ADGRV1: variants seen among roughly 807,000 people sequenced by gnomAD.
The protein encoded by ADGRV1 is G-protein coupled receptor 98.
A neutral mutation model predicts 596.2 loss-of-function variants in ADGRV1; 359 were observed. The observed-to-expected ratio is 0.60, with a 90% confidence interval of 0.55 to 0.66. ADGRV1 has a LOEUF of 0.66. Among genes scored for constraint, ADGRV1 ranks in the 30% least tolerant of loss-of-function variants. The probability of loss-of-function intolerance (pLI) is 0.00; values close to 1 mark genes in which losing one functional copy is unlikely to be tolerated. For missense variants in ADGRV1, 7,274 were observed against 7,575.6 expected (o/e 0.96, Z 1.48); for synonymous variants, 2,681 against 2,679.2 (o/e 1.00, Z -0.02).
At chr5:90,728,976 A>G in intron 49 of ADGRV1, 43 bp downstream of exon 49, 2 of 1,301,448 alleles carry the variant, frequency 1.5e-6, no homozygotes, top group Non-Finnish European at 2.1e-6. Flanking sequence ...AATTATTGAA[A>G]TCATCTAGCA....
chr5:91,093,851 GTT>G (rs376638151), intron 86 of ADGRV1, among the ~76,000 whole-genome samples: 12 of 132,236 alleles, frequency 9.1e-5, no homozygotes, highest in African/African-American at 9.0e-5. Flanking sequence ...ACATACGTAA[GTT>G]TTTTTTTTTT....
At chr5:90,831,905 A>T (rs2150332831) in intron 77 of ADGRV1, among the ~76,000 whole-genome samples, 1 of 152,280 alleles carries the variant, frequency 6.6e-6, no homozygotes, top group South Asian at 2.1e-4. Flanking sequence ...AAATTACAGG[A>T]TCTCATTCTT....
chr5:90,848,904 T>G (rs1416445255), intron 79 of ADGRV1, 83 bp downstream of exon 79: 2 of 958,214 alleles, frequency 2.1e-6, no homozygotes, highest in Non-Finnish European at 3.1e-6. Context: ...CAAAATGACA[T>G]TTAGATGATG....
At position 91,084,347 on chromosome 5, in the gene ADGRV1, T is replaced by C. The variant is rs144519521; in HGVS notation, c.18310+11743T>C. 9.0e-3 allele frequency among the ~76,000 whole-genome samples: 1,375 copies of C among 151,998 alleles called. 14 individuals are homozygous for C. The highest frequency in any genetic ancestry group is 0.056 in the East Asian group (290 of 5,176). ...CCACCCATCTGACAAAGAGCTAATA[T>C]CCAGAATCTACAAAGAACTTAAACA... On this transcript the variant is annotated intron_variant, in intron 86 of 89. Coordinates refer to ENST00000405460, the MANE Select transcript of ADGRV1 (RefSeq NM_032119.4).
At chr5:90,616,575 C>CT (rs1252718413) in intron 2 of ADGRV1, among the ~76,000 whole-genome samples, 1 of 151,920 alleles carries the variant, frequency 6.6e-6, no homozygotes, top group Non-Finnish European at 1.5e-5. Context: ...TTCCTTTTCT[C>CT]TTTTTTGTTG....
chr5:90,814,727 AC>A (rs1437979372), intron 74 of ADGRV1, among the ~76,000 whole-genome samples: 2 of 151,942 alleles, frequency 1.3e-5, no homozygotes, highest in African/African-American at 4.8e-5. Flanking sequence ...AATCAATTAA[AC>A]CTCTTTTGTT....
intron 1 of ADGRV1, among the ~76,000 whole-genome samples, chr5:90,570,044 A>AT (rs1467508850): frequency 3.3e-5 from 5 of 151,914 alleles, no homozygotes; most frequent in Non-Finnish European, 7.4e-5. Context: ...GGCACTTTAC[A>AT]TTTTTTTCTG....
chr5:90,565,991 C>T (rs1301198076), intron 1 of ADGRV1, among the ~76,000 whole-genome samples: 1 of 151,858 alleles, frequency 6.6e-6, no homozygotes, highest in Non-Finnish European at 1.5e-5. Flanking sequence ...GGTTTTTTGC[C>T]CATTTTAAAA....
chr5:90,694,461 G>A lies in ADGRV1; in HGVS notation c.7705G>A (p.Val2569Ile), dbSNP rs763494037. ...TIGQPNISTV[V>I]IALNGDAFGV... ...AGGACAGCCAAATATTTCTACAGTT[G>A]TCATAGCACTAAATGGTGATGCCTT... Residue 2569 changes from valine (V) to isoleucine (I), a missense_variant, in exon 33 of 90, where the codon GTC becomes ATC. By Grantham distance (29) the Val-to-Ile change is conservative (BLOSUM62 3). This residue lies in a region of ADGRV1 where 3,643 missense variants were observed against 3,809.2 expected (regional missense o/e 0.96). Coordinates refer to ENST00000405460, the MANE Select transcript of ADGRV1 (RefSeq NM_032119.4). 1.2e-5 allele frequency: 19 copies of A among 1,613,796 alleles called. 2 individuals are homozygous for A. The East Asian group carries it at 1.8e-4, about 15-fold the overall frequency.
Position 91,031,012 on chromosome 5 carries a change from A to C in ADGRV1, c.18153-41435A>C, listed in dbSNP as rs1417025992. The stretch of plus-strand genomic sequence containing the variant: ...TATGTCAATCAGTTGTAGTCTGCTG[A>C]TCTGATTAGAAACCTTGACAAATGC... On this transcript the variant is annotated intron_variant, in intron 85 of 89. Coordinates refer to ENST00000405460, the MANE Select transcript of ADGRV1 (RefSeq NM_032119.4). 11 of 1,488,380 alleles carry C rather than the reference A, an allele frequency of 7.4e-6. No individual in the cohort carries two copies. In the East Asian group the frequency reaches 2.5e-4, roughly 34 times the overall value. The allele number at this position is 1,488,380 out of a possible 1,614,324, so 92.2% of individuals were successfully genotyped here.
At chr5:90,914,575 A>G (rs1020500949) in intron 83 of ADGRV1, among the ~76,000 whole-genome samples, 1 of 152,196 alleles carries the variant, frequency 6.6e-6, no homozygotes, top group African/African-American at 2.4e-5. Flanking sequence ...CAAATGTACT[A>G]TTAATATGTA....
intron 45 of ADGRV1, among the ~76,000 whole-genome samples, chr5:90,721,484 A>G (rs1175796385): frequency 6.7e-6 from 1 of 149,152 alleles, no homozygotes; most frequent in African/African-American, 2.5e-5. Flanking sequence ...AGCCTGGTCA[A>G]CAGAGCAAGA....
intron 1 of ADGRV1, among the ~76,000 whole-genome samples, chr5:90,578,865 T>C (rs2151970060): frequency 6.6e-6 from 1 of 152,374 alleles, no homozygotes; most frequent in Non-Finnish European, 1.5e-5. Flanking sequence ...CAGGAATTTA[T>C]CCATTTCTTC....
intron 83 of ADGRV1, among the ~76,000 whole-genome samples, chr5:90,927,174 A>T (rs1581537147): frequency 6.6e-6 from 1 of 150,568 alleles, no homozygotes; most frequent in African/African-American, 2.5e-5. Flanking sequence ...GCTGAGTTCA[A>T]TTCCTGGGTA....
intron 1 of ADGRV1, among the ~76,000 whole-genome samples, chr5:90,597,656 G>A (rs1668873177): frequency 6.6e-6 from 1 of 152,074 alleles, no homozygotes; most frequent in Non-Finnish European, 1.5e-5. Context: ...AGGAAACCAG[G>A]CTGAGAATGG....
chr5:90,745,373 G>C (rs1229054244), intron 51 of ADGRV1, 108 bp downstream of exon 51: 1 of 780,722 alleles, frequency 1.3e-6, no homozygotes, highest in Non-Finnish European at 2.0e-6. Context: ...AAATATAAGA[G>C]CTATTTATCA....
chr5:90,784,043 T>C lies in ADGRV1; in HGVS notation c.13639T>C (p.Leu4547=), dbSNP rs1430070933. The C allele has an allele frequency of 1.2e-6, 2 of 1,608,296 alleles. No homozygotes were observed. The highest frequency in any genetic ancestry group is 1.7e-6 in the Non-Finnish European group (2 of 1,176,082). The change falls in exon 67 of 90, where the codon TTG becomes CTG. Residue 4547 remains leucine (L), a synonymous_variant. Coordinates refer to ENST00000405460, the MANE Select transcript of ADGRV1 (RefSeq NM_032119.4). The part of the protein sequence containing the change: ...SLVLERTGGL[L]GEIQVNWETV... ...GGTGCTGGAGCGGACTGGAGGACTC[T>C]TGGGAGAGATTCAGGTAGATTTATG...
At position 90,652,333 on chromosome 5, in the gene ADGRV1, A is replaced by C; in HGVS notation, c.3417-13A>C. On this transcript the variant is annotated splice_polypyrimidine_tract_variant and intron_variant, in intron 18 of 89. Transcript: ENST00000405460. ...ATTCACTACTTATAAATTTTCTTTA[A>C]TTTATTTTGTAGGATTTTGAGGCAC... 1 of 1,549,512 alleles carries C rather than the reference A, an allele frequency of 6.5e-7. No homozygotes were observed. The highest frequency in any genetic ancestry group is 1.7e-4 in the Middle Eastern group (1 of 5,784).
intron 86 of ADGRV1, among the ~76,000 whole-genome samples, chr5:91,074,933 T>C (rs1431463999): frequency 1.3e-5 from 2 of 152,228 alleles, no homozygotes; most frequent in African/African-American, 2.4e-5. Flanking sequence ...TGATTAGCAA[T>C]GTTGGGCATT....
Sources: gnomAD v4.1 joint callset for allele counts (sites outside exome capture counted in the v4.1 genomes callset) on GRCh38, gnomAD v4.1.1 for gene constraint, gnomAD v4.1.1 regional missense constraint, MANE v1.5 for transcripts, NCBI Gene and HGNC (gene_info 2026-07-23, HGNC 2026-07-21) for gene names.